Variants in TMEM94 observed in about 807,000 individuals in gnomAD.
The protein encoded by TMEM94 is transmembrane protein 94.
A neutral mutation model predicts 158.6 loss-of-function variants in TMEM94; 81 were observed. The ratio of observed to expected loss-of-function variants is 0.51; its 90% CI spans 0.43 to 0.61. The LOEUF (loss-of-function observed/expected upper bound fraction) is 0.61, where lower values mean the gene tolerates loss of function less well. Ranked by LOEUF, TMEM94 falls within the 20% of genes least tolerant of loss-of-function variation. The pLI is 0.00. For synonymous variants in TMEM94, 751 were observed against 730.7 expected, an observed-to-expected ratio of 1.03 and a Z score of -0.45; for missense variants, 1,435 against 1,762.0, an observed-to-expected ratio of 0.81 and a Z score of 3.32.
At chr17:75,497,472 G>GC (rs906315111) in intron 26 of TMEM94, among the ~76,000 whole-genome samples, 3 of 145,618 alleles carry the variant, frequency 2.1e-5, no homozygotes, top group African/African-American at 7.6e-5. Context: ...TCCTGCCTCA[G>GC]CCCCCTGAGT....
intron 4 of TMEM94, 136 bp from the exon 5 acceptor site, chr17:75,486,154 T>C: frequency 1.4e-6 from 2 of 1,451,190 alleles, no homozygotes; most frequent in African/African-American, 1.4e-5. Context: ...GTCAGAGGCC[T>C]AGCTGGTGTC....
chr17:75,491,831 C>T lies in TMEM94; in HGVS notation c.1527C>T (p.Ser509=). 1 of 1,614,112 alleles carries T rather than the reference C, an allele frequency of 6.2e-7. No individual in the cohort carries two copies. The highest frequency in any genetic ancestry group is 8.5e-7 in the Non-Finnish European group (1 of 1,180,032). The change falls in exon 14 of 32, where the codon AGC becomes AGT. Residue 509 remains serine (S), a synonymous_variant. Transcript: ENST00000314256. This position sits in a 1 kb window ranked among gnomAD's most constrained non-coding sequence, Gnocchi z 5.1. ...CACACCACAAAGCGCATGGCCGCAG[C>T]AAACACCCATCTGGCTCCAACGTGA... ...PYSHHKAHGR[S]KHPSGSNVSF...
chr17:75,482,239 G>A (rs796796029), intron 2 of TMEM94, among the ~76,000 whole-genome samples: 4 of 152,110 alleles, frequency 2.6e-5, no homozygotes, highest in African/African-American at 7.2e-5. Flanking sequence ...CCAGCTGCTC[G>A]GGAGGCTGAG....
rs977514297 is a variant in TMEM94 at position 75,500,414 on chromosome 17, T to C, written c.*1080T>C. On this transcript the variant is annotated 3_prime_UTR_variant, in exon 32 of 32. Transcript: ENST00000314256. Reference sequence around the variant, plus strand: ...CCGAAGCCCCTCCCCCATTGTGTCCTCTCAGGCAGTTGATAGAATAAATTC... The same window carrying C: ...CCGAAGCCCCTCCCCCATTGTGTCCCCTCAGGCAGTTGATAGAATAAATTC... 6.5e-6 allele frequency: 1 copy of C among 152,810 alleles called. No homozygotes were observed. Among genetic ancestry groups the C allele is most frequent in the African/African-American group, 2.4e-5 (1 of 41,582 alleles). 9.5% of individuals were successfully genotyped at this position (152,810 alleles called of 1,614,324 possible).
At chr17:75,486,886 T>C (rs369706482) in intron 5 of TMEM94, among the ~76,000 whole-genome samples, 19 of 152,120 alleles carry the variant, frequency 1.2e-4, no homozygotes, top group African/African-American at 4.3e-4. Flanking sequence ...GTGGCTTGGA[T>C]TTCTGCTTGG....
chr17:75,457,945 A>G (rs2049944833), intron 1 of TMEM94, among the ~76,000 whole-genome samples: 1 of 152,110 alleles, frequency 6.6e-6, no homozygotes, highest in African/African-American at 2.4e-5. Flanking sequence ...GATGGGCATT[A>G]AAAGTAGGAT....
Position 75,498,447 on chromosome 17 carries a change from C to T in TMEM94, c.3642C>T (p.Asn1214=), listed in dbSNP as rs138177817. 24 of 1,587,368 alleles carry T rather than the reference C, an allele frequency of 1.5e-5. No individual in the cohort carries two copies. The highest frequency in any genetic ancestry group is 5.4e-5 in the African/African-American group (4 of 74,410). Reference sequence around the variant, plus strand: ...AGCCCATGCCTCACTTTGGCAGCAACGACGACAGGGCTCCAGCCTGGTTTG... The same window carrying T: ...AGCCCATGCCTCACTTTGGCAGCAATGACGACAGGGCTCCAGCCTGGTTTG... The part of the protein sequence containing the change: ...TNCSSVMLPS[N]DDRAPAWFED... Residue 1214 remains asparagine, a synonymous_variant, in exon 29 of 32, where the codon AAC becomes AAT. Transcript: ENST00000314256. This position sits in a 1 kb window ranked among gnomAD's most constrained non-coding sequence, Gnocchi z 6.7.
At chr17:75,478,329 T>C (rs1055364743) in intron 2 of TMEM94, among the ~76,000 whole-genome samples, 18 of 97,444 alleles carry the variant, frequency 1.8e-4, no homozygotes, top group Non-Finnish European at 2.3e-4. Context: ...GACTCCATCT[T>C]AAAAAAAAAA....
At chr17:75,486,534 T>C in intron 5 of TMEM94, 108 bp downstream of exon 5, 3 of 1,334,806 alleles carry the variant, frequency 2.2e-6, no homozygotes, top group South Asian at 1.3e-5. Flanking sequence ...GTGGCCAGCA[T>C]TGCAGGGGCT....
At position 75,498,347 on chromosome 17, in the gene TMEM94, A is replaced by AC; in HGVS notation, c.3638+27dup. 6 of 1,611,976 alleles carry AC rather than the reference A, an allele frequency of 3.7e-6. No homozygotes were observed. The highest frequency in any genetic ancestry group is 5.1e-6 in the Non-Finnish European group (6 of 1,179,632). On this transcript the variant is annotated intron_variant, in intron 28 of 31. Transcript: ENST00000314256. The surrounding 1 kb of genome is among the most constrained non-coding windows in gnomAD (Gnocchi z 6.7). ...AGGTGGGTCCCAGCCCCAGAGATCC[A>AC]CCCATCGCCTGCCTCGCCTCGAGGC...
At chr17:75,461,846 G>A (rs1439602569) in intron 1 of TMEM94, among the ~76,000 whole-genome samples, 2 of 150,600 alleles carry the variant, frequency 1.3e-5, no homozygotes, top group Non-Finnish European at 3.0e-5. Flanking sequence ...CCCGGGAGGC[G>A]GAGCTTACAG....
rs2052694854 is a variant in TMEM94, at chr17:75,496,488, G to T, written c.3243+17G>T. On this transcript the variant is annotated intron_variant, in intron 24 of 31. Coordinates refer to ENST00000314256, the MANE Select transcript of TMEM94 (RefSeq NM_014738.6). ...ATCGAACAGGTGGGTGCTTCGGCAG[G>T]CAAAGGAGGAGAGACGCAGGACAGG... The T allele has an allele frequency of 6.2e-7, 1 of 1,608,098 alleles. No homozygotes were observed. Among genetic ancestry groups the T allele is most frequent in the African/African-American group, 1.3e-5 (1 of 74,852 alleles).
chr17:75,475,149 G>C (rs940751259), intron 2 of TMEM94, among the ~76,000 whole-genome samples: 2 of 152,206 alleles, frequency 1.3e-5, no homozygotes, highest in Admixed American at 1.3e-4. Context: ...AGATTGCAGA[G>C]CAGCAGCATC....
At position 75,491,152 on chromosome 17, in the gene TMEM94, C is replaced by T. The variant is rs760413205; in HGVS notation, c.1232C>T (p.Thr411Met). 3.1e-6 allele frequency: 5 copies of T among 1,607,858 alleles called. No individual in the cohort carries two copies. Among genetic ancestry groups the T allele is most frequent in the Non-Finnish European group, 4.3e-6 (5 of 1,176,242 alleles). ...SSLLHSLGSVTVLCCVDKQGI... is the reference protein window; with the variant it reads ...SSLLHSLGSVMVLCCVDKQGI... ...CTGCTGCACAGCCTGGGCTCTGTCA[C>T]GGTGAGGGTGGGCCTTGCGGGGAGG... Residue 411 changes from threonine (T) to methionine (M), a missense_variant and splice_region_variant, in exon 12 of 32, where the codon ACG becomes ATG. Physicochemically the swap from Thr to Met is moderately conservative, Grantham distance 81 (BLOSUM62 -1). Around this residue, in one of 3 missense-constraint regions of TMEM94, gnomAD observed 1,051 missense variants for 1,254.4 expected, o/e 0.84. Coordinates refer to ENST00000314256, the MANE Select transcript of TMEM94 (RefSeq NM_014738.6). This position sits in a 1 kb window ranked among gnomAD's most constrained non-coding sequence, Gnocchi z 5.1.
intron 10 of TMEM94, 65 bp from the exon 11 acceptor site, chr17:75,490,637 G>A (rs1462499438): frequency 3.4e-6 from 5 of 1,459,306 alleles, no homozygotes; most frequent in Non-Finnish European, 4.8e-6. Flanking sequence ...CCCTCTGCCA[G>A]CTTGGAGAGG....
chr17:75,485,842 A>C lies in TMEM94; in HGVS notation c.145-29A>C. ...CAGATTGGAGTGGGACAGGCCTCTC[A>C]TTGTCCCCTCCCTGTCCGAACTTCC... is the stretch of plus-strand genomic sequence containing the variant. On this transcript the variant is annotated intron_variant, in intron 3 of 31. Coordinates refer to ENST00000314256, the MANE Select transcript of TMEM94 (RefSeq NM_014738.6). This position sits in a 1 kb window ranked among gnomAD's most constrained non-coding sequence, Gnocchi z 5.5. 1 of 1,592,926 alleles carries C rather than the reference A, an allele frequency of 6.3e-7. No individual in the cohort carries two copies. Among genetic ancestry groups the C allele is most frequent in the African/African-American group, 1.3e-5 (1 of 74,704 alleles).
At chr17:75,475,851 G>A (rs1240917600) in intron 2 of TMEM94, among the ~76,000 whole-genome samples, 1 of 152,174 alleles carries the variant, frequency 6.6e-6, no homozygotes, top group African/African-American at 2.4e-5. Context: ...GGAAGGTGTT[G>A]GAGTCTTCAG....
Position 75,463,172 on chromosome 17 carries a change from G to GTATATATATA in TMEM94, c.-107+6422_-107+6423insATATATATAT, listed in dbSNP as rs1358230546. ...TACACGTATATATATGTGTGTGTGT[G>GTATATATATA]TGTGTGTATATATATATATATATAT... is the stretch of plus-strand genomic sequence containing the variant. On this transcript the variant is annotated intron_variant, in intron 1 of 31. Coordinates refer to ENST00000314256, the MANE Select transcript of TMEM94 (RefSeq NM_014738.6). Among the ~76,000 whole-genome samples the GTATATATATA allele has an allele frequency of 1.6e-3, 7 of 4,500 alleles. 1 individual carries two copies. Among genetic ancestry groups the GTATATATATA allele is most frequent in the African/African-American group, 8.5e-3 (7 of 822 alleles). The allele number at this position is 4,500 out of a possible 152,430, so 3.0% of individuals were successfully genotyped here. A position where few individuals can be genotyped will look rare whatever the true frequency, so the allele number is the denominator to read the frequency against.
At chr17:75,490,585 C>T in intron 10 of TMEM94, 117 bp from the exon 11 acceptor site, 2 of 1,001,462 alleles carry the variant, frequency 2.0e-6, no homozygotes, top group Non-Finnish European at 1.5e-6. Context: ...ACGGCCTGGG[C>T]CCTTTACCAA....
Sources: allele counts gnomAD v4.1 joint callset (sites outside exome capture counted in the v4.1 genomes callset), GRCh38; gene constraint gnomAD v4.1.1; regional missense constraint gnomAD v4.1.1; non-coding constraint Gnocchi (gnomAD v3.1); transcripts MANE v1.5; gene names NCBI Gene and HGNC (gene_info 2026-07-23, HGNC 2026-07-21).